Variants in LRRTM3 observed in about 807,000 individuals in gnomAD.
LRRTM3 encodes leucine rich repeat transmembrane neuronal 3, also known as leucine-rich repeat transmembrane neuronal protein 3.
LRRTM3 carries 24 observed loss-of-function variants against 44.7 expected under a neutral mutation model. The ratio of observed to expected loss-of-function variants is 0.54; its 90% CI spans 0.39 to 0.76. The LOEUF (loss-of-function observed/expected upper bound fraction) is 0.76, where lower values mean the gene tolerates loss of function less well. LRRTM3 is among the 30% of genes least tolerant of loss of function. LRRTM3 has a pLI of 0.00. For missense variants in LRRTM3, 587 were observed against 702.2 expected (o/e 0.84, Z 1.85); for synonymous variants, 277 against 278.7 (o/e 0.99, Z 0.06).
chr10:67,052,765 A>C (rs1278654406), intron 2 of LRRTM3: 1 of 152,212 alleles, frequency 6.6e-6, no homozygotes, highest in East Asian at 1.9e-4. Flanking sequence ...CAAACAAACA[A>C]AGAAACAAAC....
chr10:66,926,774 C>G, intron 1 of LRRTM3, 147 bp from the exon 2 acceptor site: 1 of 960,576 alleles, frequency 1.0e-6, no homozygotes, highest in Non-Finnish European at 1.5e-6. Context: ...AAAGACAATT[C>G]TCTTTAATTA....
intron 2 of LRRTM3, among the ~76,000 whole-genome samples, chr10:66,939,121 A>G (rs1847870877): frequency 6.6e-6 from 1 of 152,016 alleles, no homozygotes; most frequent in South Asian, 2.1e-4. Context: ...CAAAGTAACT[A>G]CTCTACTGGA....
chr10:66,997,354 C>T, intron 2 of LRRTM3, among the ~76,000 whole-genome samples: 1 of 152,128 alleles, frequency 6.6e-6, no homozygotes, highest in East Asian at 1.9e-4. Context: ...CAAATTCTTT[C>T]TTGTTTGTAA....
chr10:67,061,437 C>T (rs1218703181), intron 2 of LRRTM3, among the ~76,000 whole-genome samples: 2 of 152,132 alleles, frequency 1.3e-5, no homozygotes, highest in Non-Finnish European at 2.9e-5. Context: ...CTCCCCCTGT[C>T]CTGGGTTTTT....
intron 2 of LRRTM3, among the ~76,000 whole-genome samples, 183 bp downstream of exon 2, chr10:66,928,635 A>G (rs74141738): frequency 0.031 from 4,731 of 152,068 alleles, 172 homozygotes; most frequent in African/African-American, 0.09. Context: ...TTTTCCTCTC[A>G]TACATAATCA....
At chr10:66,996,649 C>CAAAA (rs57025097) in intron 2 of LRRTM3, among the ~76,000 whole-genome samples, 4,055 of 67,484 alleles carry the variant, frequency 0.06, 754 homozygotes, top group African/African-American at 0.19. Context: ...TCCGTCTCTA[C>CAAAA]AAAAAAAAAA....
intron 2 of LRRTM3, among the ~76,000 whole-genome samples, chr10:66,964,035 A>G (rs1217678232): frequency 6.6e-6 from 1 of 151,410 alleles, no homozygotes. Flanking sequence ...TTTTTTCAGT[A>G]GTGATGGGTT....
At chr10:67,028,593 T>C (rs1853530796) in intron 2 of LRRTM3, among the ~76,000 whole-genome samples, 1 of 150,892 alleles carries the variant, frequency 6.6e-6, no homozygotes, top group Non-Finnish European at 1.5e-5. Context: ...GCAATGAGAA[T>C]TTTCCAGGCC....
intron 2 of LRRTM3, among the ~76,000 whole-genome samples, chr10:67,065,835 T>C: frequency 6.6e-6 from 1 of 152,110 alleles, no homozygotes; most frequent in Non-Finnish European, 1.5e-5. Flanking sequence ...CAGTGAGATT[T>C]TGGGGTTTGT....
chr10:67,045,844 C>A (rs1854708410), intron 2 of LRRTM3, among the ~76,000 whole-genome samples: 1 of 152,168 alleles, frequency 6.6e-6, no homozygotes, highest in Non-Finnish European at 1.5e-5. Flanking sequence ...CTTCCTGACT[C>A]CTAACACAGT....
chr10:66,931,920 G>C (rs868646598), intron 2 of LRRTM3, among the ~76,000 whole-genome samples: 6 of 152,142 alleles, frequency 3.9e-5, no homozygotes, highest in African/African-American at 1.4e-4. Context: ...TTTTTCATCA[G>C]CAAGATACAT....
intron 2 of LRRTM3, among the ~76,000 whole-genome samples, chr10:67,049,880 T>C (rs1854976962): frequency 6.6e-6 from 1 of 152,226 alleles, no homozygotes; most frequent in South Asian, 2.1e-4. Context: ...TATTAGCCTA[T>C]GTTATTCTAA....
At chr10:67,059,760 T>G (rs1236102372) in intron 2 of LRRTM3, among the ~76,000 whole-genome samples, 1 of 152,178 alleles carries the variant, frequency 6.6e-6, no homozygotes, top group Non-Finnish European at 1.5e-5. Flanking sequence ...AACTTTTCAG[T>G]TTAGCTATGT....
At chr10:67,004,350 A>G (rs2133001752) in intron 2 of LRRTM3, among the ~76,000 whole-genome samples, 1 of 152,350 alleles carries the variant, frequency 6.6e-6, no homozygotes, top group South Asian at 2.1e-4. Flanking sequence ...ATGTGAATCA[A>G]AAAATTAAAT....
At chr10:67,070,029 C>G (rs1221539391) in intron 2 of LRRTM3, among the ~76,000 whole-genome samples, 3 of 152,206 alleles carry the variant, frequency 2.0e-5, no homozygotes, top group Non-Finnish European at 4.4e-5. Flanking sequence ...ACCATGAGAA[C>G]TTCCATTGCT....
At chr10:67,066,395 G>A (rs189651439) in intron 2 of LRRTM3, among the ~76,000 whole-genome samples, 1 of 152,068 alleles carries the variant, frequency 6.6e-6, no homozygotes, top group Non-Finnish European at 1.5e-5. Flanking sequence ...GTTGCACCAT[G>A]TTGGCCAGGA....
intron 2 of LRRTM3, among the ~76,000 whole-genome samples, chr10:67,030,288 T>G (rs1452810290): frequency 1.3e-5 from 2 of 152,178 alleles, no homozygotes; most frequent in Non-Finnish European, 2.9e-5. Flanking sequence ...TAAGAAACAT[T>G]TGAAGTCGAG....
chr10:67,016,751 C>T (rs191490259), intron 2 of LRRTM3, among the ~76,000 whole-genome samples: 98 of 152,184 alleles, frequency 6.4e-4, no homozygotes, highest in Non-Finnish European at 1.2e-3. Flanking sequence ...TAATTTGTAT[C>T]ATTGCAGTTG....
At chr10:67,080,494 A>G (rs992339125) in intron 2 of LRRTM3, among the ~76,000 whole-genome samples, 3 of 151,764 alleles carry the variant, frequency 2.0e-5, no homozygotes, top group Admixed American at 2.0e-4. Context: ...CTGACATGAG[A>G]TTTTTTTTTC....
Sources: allele counts gnomAD v4.1 joint callset (sites outside exome capture counted in the v4.1 genomes callset), GRCh38; gene constraint gnomAD v4.1.1; transcripts MANE v1.5; gene names NCBI Gene and HGNC (gene_info 2026-07-23, HGNC 2026-07-21).